The following BCAS3 variants were observed in gnomAD, a reference collection of about 807,000 sequenced individuals.
The protein encoded by BCAS3 is BCAS4/BCAS3 fusion.
In BCAS3, 53 loss-of-function variants were observed where a neutral mutation model predicts 116.1. That is an observed-to-expected ratio of 0.46 (90% CI 0.37 to 0.57). BCAS3 has a LOEUF of 0.57. Ranked by LOEUF, BCAS3 falls within the 20% of genes least tolerant of loss-of-function variation. The pLI, the probability that BCAS3 is intolerant of heterozygous loss-of-function variation, is 0.00. For missense variants in BCAS3, 917 were observed against 1,165.4 expected, an observed-to-expected ratio of 0.79 and a Z score of 3.10; for synonymous variants, 391 against 408.2, an observed-to-expected ratio of 0.96 and a Z score of 0.51.
intron 6 of BCAS3, among the ~76,000 whole-genome samples, chr17:60,749,555 A>ATAGACAAG: frequency 1.3e-5 from 2 of 152,048 alleles, no homozygotes; most frequent in Admixed American, 6.6e-5. Context: ...TATAACTTGT[A>ATAGACAAG]TTATCTGGGT....
intron 22 of BCAS3, among the ~76,000 whole-genome samples, chr17:61,154,211 A>G (rs1298229637): frequency 3.3e-5 from 5 of 152,178 alleles, no homozygotes; most frequent in African/African-American, 1.2e-4. Flanking sequence ...GGAGGGAAGG[A>G]AGAAGGAAAG....
In BCAS3 at chr17:60,994,769, A is replaced by G. The variant is rs116020369; in HGVS notation, c.1486+4534A>G. ...TGCCTCTTTGAATGCCTACTAAGCA[A>G]GCTAAAATATTACTGCCTCTCTTAA... On this transcript the variant is annotated intron_variant, in intron 15 of 23. Transcript: ENST00000407086. The surrounding 1 kb of genome is among the most constrained non-coding windows in gnomAD (Gnocchi z 4.4). Among the ~76,000 whole-genome samples, 548 of 152,294 alleles carry G rather than the reference A, an allele frequency of 3.6e-3. 5 individuals are homozygous for G. Among genetic ancestry groups the G allele is most frequent in the African/African-American group, 0.012 (507 of 41,544 alleles).
intron 5 of BCAS3, among the ~76,000 whole-genome samples, chr17:60,736,115 G>A (rs1237842924): frequency 1.3e-5 from 2 of 152,096 alleles, no homozygotes; most frequent in Non-Finnish European, 2.9e-5. Flanking sequence ...ATAGCTCACT[G>A]TTAACCTCAA....
intron 22 of BCAS3, among the ~76,000 whole-genome samples, chr17:61,338,184 G>C (rs1431565095): frequency 6.6e-6 from 1 of 152,176 alleles, no homozygotes; most frequent in Admixed American, 6.5e-5. Flanking sequence ...TCTCTGGCGG[G>C]GGCGGTAGGG....
At chr17:61,101,973 G>A (rs912314967) in intron 22 of BCAS3, among the ~76,000 whole-genome samples, 1 of 152,140 alleles carries the variant, frequency 6.6e-6, no homozygotes, top group Non-Finnish European at 1.5e-5. Context: ...TTGAAAGGCT[G>A]TGGGATGATA....
chr17:60,974,159 G>T (rs1305439795), intron 14 of BCAS3, among the ~76,000 whole-genome samples: 1 of 151,964 alleles, frequency 6.6e-6, no homozygotes, highest in African/African-American at 2.4e-5. Flanking sequence ...CTCTGCTTCA[G>T]GTTTTTTTAG....
chr17:60,872,350 C>A (rs1208168396), intron 8 of BCAS3, among the ~76,000 whole-genome samples: 1 of 151,524 alleles, frequency 6.6e-6, no homozygotes, highest in Non-Finnish European at 1.5e-5. Flanking sequence ...CATACACACA[C>A]CCCATATATA....
At chr17:60,959,762 A>T (rs1316511630) in intron 14 of BCAS3, among the ~76,000 whole-genome samples, 2 of 152,192 alleles carry the variant, frequency 1.3e-5, no homozygotes, top group Non-Finnish European at 2.9e-5. Flanking sequence ...ATCAAAAATT[A>T]TTCTCCTACA....
chr17:60,902,689 A>G lies in BCAS3; in HGVS notation c.808A>G (p.Ile270Val). Residue 270 changes from isoleucine to valine, a missense_variant, in exon 11 of 24, where the codon ATT becomes GTT. This residue lies in a region of BCAS3 where 807 missense variants were observed against 1,026.0 expected (regional missense o/e 0.79). Transcript: ENST00000407086. The stretch of plus-strand genomic sequence containing the variant: ...CATTCAGTCTTATACTGCCACAGTC[A>G]TTAGTGCTGCTAAAGTGAGTACCTC... ...DNIQSYTATV[I>V]SAAKTLKSGL... is the part of the protein sequence containing the mutation. 1 of 1,610,184 alleles carries G rather than the reference A, an allele frequency of 6.2e-7. No individual in the cohort carries two copies. The highest frequency in any genetic ancestry group is 8.5e-7 in the Non-Finnish European group (1 of 1,176,404).
chr17:61,260,421 A>C (rs1678115665), intron 22 of BCAS3, among the ~76,000 whole-genome samples: 1 of 152,194 alleles, frequency 6.6e-6, no homozygotes, highest in African/African-American at 2.4e-5. Context: ...AAAATGAGAG[A>C]GTTGGCATCA....
In BCAS3 at chr17:61,326,463, T is replaced by A. The variant is rs2055738417; in HGVS notation, c.2426-41864T>A. ...CAGCAGAGGGTGAGTTTTGAAAAGATCACTCTGACCTTACTGTGGAAGACA... is the reference window on the plus strand; with the variant it reads ...CAGCAGAGGGTGAGTTTTGAAAAGAACACTCTGACCTTACTGTGGAAGACA... On this transcript the variant is annotated intron_variant, in intron 22 of 23. Transcript: ENST00000407086. This position sits in a 1 kb window ranked among gnomAD's most constrained non-coding sequence, Gnocchi z 5.3. 6.6e-6 allele frequency among the ~76,000 whole-genome samples: 1 copy of A among 152,190 alleles called. No individual in the cohort carries two copies. Among genetic ancestry groups the A allele is most frequent in the African/African-American group, 2.4e-5 (1 of 41,438 alleles).
rs564604868 is a variant in BCAS3 at position 61,172,853 on chromosome 17, C to T, written c.2425+88289C>T. ...CAAAAAGAAAATTAGCCGGGCGTGG[C>T]GGTGGGCACCTGTAGTCCCAGCTAC... is the stretch of plus-strand genomic sequence containing the variant. On this transcript the variant is annotated intron_variant, in intron 22 of 23. Transcript: ENST00000407086. Among the ~76,000 whole-genome samples, 397 of 148,548 alleles carry T rather than the reference C, an allele frequency of 2.7e-3. 1 individual carries two copies. The highest frequency in any genetic ancestry group is 8.1e-3 in the African/African-American group (325 of 40,338).
In BCAS3 at chr17:61,196,618, C is replaced by T. The variant is rs118164008; in HGVS notation, c.2425+112054C>T. On this transcript the variant is annotated intron_variant, in intron 22 of 23. Transcript: ENST00000407086. The surrounding 1 kb of genome is among the most constrained non-coding windows in gnomAD (Gnocchi z 4.7). ...AGCCAGACTGCTCCACATAGACTTCCGATTCGAATTAGAAATGAAAAGAGG... is the reference window on the plus strand; with the variant it reads ...AGCCAGACTGCTCCACATAGACTTCTGATTCGAATTAGAAATGAAAAGAGG... Among the ~76,000 whole-genome samples the T allele has an allele frequency of 5.3e-5, 8 of 152,248 alleles. No homozygotes were observed. The highest frequency in any genetic ancestry group is 7.3e-5 in the Non-Finnish European group (5 of 68,028).
rs2145097353 is a variant in BCAS3 at position 60,910,591 on chromosome 17, G to A, written c.882G>A (p.Leu294=). The change falls in exon 12 of 24, where the codon CTG becomes CTA. Residue 294 remains leucine, a synonymous_variant. Transcript: ENST00000407086. The part of the protein sequence containing the change: ...GKVVTQLTGT[L]PSGVTEDDVA... Reference sequence around the variant, plus strand: ...TGGTGACTCAGCTGACAGGCACACTGCCTTCAGGTGTGACAGAAGATGATG... The same window carrying A: ...TGGTGACTCAGCTGACAGGCACACTACCTTCAGGTGTGACAGAAGATGATG... The A allele has an allele frequency of 6.2e-7, 1 of 1,612,978 alleles. No homozygotes were observed. Among genetic ancestry groups the A allele is most frequent in the East Asian group, 2.2e-5 (1 of 44,726 alleles).
intron 14 of BCAS3, among the ~76,000 whole-genome samples, chr17:60,985,135 T>A (rs2145414076): frequency 6.9e-6 from 1 of 144,672 alleles, no homozygotes; most frequent in Non-Finnish European, 1.5e-5. Flanking sequence ...ACGATTCAAC[T>A]GTATTCTTTT....
rs560230099 is a variant in BCAS3 at position 61,098,999 on chromosome 17, C to T, written c.2425+14435C>T. Among the ~76,000 whole-genome samples the T allele has an allele frequency of 7.9e-5, 12 of 152,248 alleles. No homozygotes were observed. The South Asian group carries it at 2.5e-3, about 32-fold the overall frequency. Reference sequence around the variant, plus strand: ...ATTAGCCGGGCATGGTGGCGCACACCTGTAGTCCCAGCTACTCAGGAGGCT... The same window carrying T: ...ATTAGCCGGGCATGGTGGCGCACACTTGTAGTCCCAGCTACTCAGGAGGCT... On this transcript the variant is annotated intron_variant, in intron 22 of 23. Transcript: ENST00000407086. The surrounding 1 kb of genome is among the most constrained non-coding windows in gnomAD (Gnocchi z 4.2).
At chr17:60,778,866 G>A (rs763991947) in intron 6 of BCAS3, among the ~76,000 whole-genome samples, 4 of 152,188 alleles carry the variant, frequency 2.6e-5, no homozygotes, top group Non-Finnish European at 4.4e-5. Flanking sequence ...GCTATAAGTA[G>A]CATATGATTT....
chr17:60,896,113 G>A (rs1472557821), intron 10 of BCAS3, among the ~76,000 whole-genome samples: 2 of 152,180 alleles, frequency 1.3e-5, no homozygotes, highest in East Asian at 1.9e-4. Flanking sequence ...ATGACTTGAG[G>A]TCAGGAGTTC....
At position 61,363,927 on chromosome 17, in the gene BCAS3, A is replaced by C. The variant is rs574328640; in HGVS notation, c.2426-4400A>C. On this transcript the variant is annotated intron_variant, in intron 22 of 23. Transcript: ENST00000407086. The surrounding 1 kb of genome is among the most constrained non-coding windows in gnomAD (Gnocchi z 4.9). ...GAGCCCAGAGATGACCTCACCCTCC[A>C]AGGGCTTGGCCTCTTCACCCCAGTG... Among the ~76,000 whole-genome samples, 1 of 152,276 alleles carries C rather than the reference A, an allele frequency of 6.6e-6. No homozygotes were observed. Among genetic ancestry groups the C allele is most frequent in the East Asian group, 1.9e-4 (1 of 5,178 alleles).
Sources: gnomAD v4.1 joint callset for allele counts (sites outside exome capture counted in the v4.1 genomes callset) on GRCh38, gnomAD v4.1.1 for gene constraint, gnomAD v4.1.1 regional missense constraint, Gnocchi (gnomAD v3.1) non-coding constraint, MANE v1.5 for transcripts, NCBI Gene and HGNC (gene_info 2026-07-23, HGNC 2026-07-21) for gene names.